Variants in SLC25A21 observed in about 807,000 individuals in gnomAD.
SLC25A21 encodes solute carrier family 25 member 21.
A neutral mutation model predicts 43.8 loss-of-function variants in SLC25A21; 47 were observed. That is an observed-to-expected ratio of 1.07 (90% CI 0.85 to 1.37). The LOEUF (loss-of-function observed/expected upper bound fraction) is 1.37, where lower values mean the gene tolerates loss of function less well. SLC25A21 is among the 40% of genes most tolerant of loss of function. SLC25A21 has a pLI of 0.00. For synonymous variants in SLC25A21, 131 were observed against 121.3 expected (o/e 1.08, Z -0.52); for missense variants, 352 against 350.2 (o/e 1.00, Z -0.04).
chr14:36,683,725 T>C, intron 9 of SLC25A21, 103 bp downstream of exon 9: 2 of 772,104 alleles, frequency 2.6e-6, no homozygotes, highest in Middle Eastern at 2.6e-4. Flanking sequence ...TTTCTGTCTT[T>C]TACAAAGTGG....
chr14:36,802,150 T>C (rs1443667531), intron 3 of SLC25A21, among the ~76,000 whole-genome samples: 3 of 152,334 alleles, frequency 2.0e-5, no homozygotes, highest in South Asian at 2.1e-4. Flanking sequence ...AATGATACCA[T>C]GGGTGTCGTA....
At chr14:37,016,362 G>A (rs967058240) in intron 1 of SLC25A21, among the ~76,000 whole-genome samples, 1 of 152,072 alleles carries the variant, frequency 6.6e-6, no homozygotes, top group Non-Finnish European at 1.5e-5. Flanking sequence ...TAGATATGCG[G>A]CGTTATTTCT....
At position 36,946,603 on chromosome 14, in the gene SLC25A21, T is replaced by A. The variant is rs148502799; in HGVS notation, c.71-71599A>T. Among the ~76,000 whole-genome samples the A allele has an allele frequency of 1.2e-3, 177 of 152,298 alleles. 1 individual carries two copies. Among genetic ancestry groups the A allele is most frequent in the African/African-American group, 4.1e-3 (172 of 41,558 alleles). On this transcript the variant is annotated intron_variant, in intron 1 of 9. Transcript: ENST00000331299. The stretch of plus-strand genomic sequence containing the variant: ...TAGAATTAAGAAAAATATCTTAATG[T>A]TAAATACCAGGTAGGTGAAACTTTT...
At chr14:37,044,825 T>C (rs2138789131) in intron 1 of SLC25A21, among the ~76,000 whole-genome samples, 1 of 152,340 alleles carries the variant, frequency 6.6e-6, no homozygotes, top group East Asian at 1.9e-4. Flanking sequence ...TTTCTAAATT[T>C]GTGGCAAAAT....
At chr14:36,681,969 T>C (rs934858823) in intron 9 of SLC25A21, among the ~76,000 whole-genome samples, 1 of 152,198 alleles carries the variant, frequency 6.6e-6, no homozygotes, top group Non-Finnish European at 1.5e-5. Context: ...GACAAGAATA[T>C]GCAGAGTTGG....
chr14:37,117,641 G>A (rs1239775274), intron 1 of SLC25A21, among the ~76,000 whole-genome samples: 1 of 152,114 alleles, frequency 6.6e-6, no homozygotes, highest in East Asian at 1.9e-4. Context: ...AGGGAGAGGG[G>A]GGAAGTGTAG....
chr14:37,144,329 T>C (rs576966374), intron 1 of SLC25A21, among the ~76,000 whole-genome samples: 3 of 152,360 alleles, frequency 2.0e-5, no homozygotes, highest in African/African-American at 7.2e-5. Flanking sequence ...AAAAATGTTA[T>C]GCAATTTAAC....
At chr14:37,015,547 G>C (rs1960834449) in intron 1 of SLC25A21, among the ~76,000 whole-genome samples, 1 of 151,790 alleles carries the variant, frequency 6.6e-6, no homozygotes, top group Non-Finnish European at 1.5e-5. Flanking sequence ...AGTCATTTGG[G>C]TATATACCCA....
intron 1 of SLC25A21, among the ~76,000 whole-genome samples, chr14:36,902,948 G>C (rs894399167): frequency 6.6e-6 from 1 of 152,128 alleles, no homozygotes; most frequent in African/African-American, 2.4e-5. Flanking sequence ...TTGCACCACT[G>C]TACTCCAGCT....
intron 1 of SLC25A21, among the ~76,000 whole-genome samples, chr14:36,939,126 AG>A (rs1318323913): frequency 2.0e-5 from 3 of 152,204 alleles, no homozygotes; most frequent in Admixed American, 6.5e-5. Flanking sequence ...TTTACTTAAA[AG>A]GCAGGTTTTG....
chr14:36,758,509 T>C (rs1886018497), intron 3 of SLC25A21, among the ~76,000 whole-genome samples: 1 of 149,666 alleles, frequency 6.7e-6, no homozygotes, highest in African/African-American at 2.5e-5. Context: ...TGTTTGGAGA[T>C]ACTGGAAAGG....
intron 1 of SLC25A21, among the ~76,000 whole-genome samples, chr14:37,090,541 G>A (rs961887117): frequency 2.6e-5 from 4 of 152,188 alleles, no homozygotes; most frequent in Non-Finnish European, 5.9e-5. Flanking sequence ...TGAGGCTAGT[G>A]CTACTTAGCT....
At chr14:37,003,003 A>G (rs1960521145) in intron 1 of SLC25A21, among the ~76,000 whole-genome samples, 1 of 152,234 alleles carries the variant, frequency 6.6e-6, no homozygotes, top group African/African-American at 2.4e-5. Context: ...GTTCACCAAA[A>G]GACATTTCTA....
chr14:37,100,943 T>G (rs1962805621), intron 1 of SLC25A21, among the ~76,000 whole-genome samples: 1 of 152,192 alleles, frequency 6.6e-6, no homozygotes, highest in African/African-American at 2.4e-5. Flanking sequence ...TATTAGCTAT[T>G]ATTATCATTC....
chr14:36,999,282 G>A (rs1960436545), intron 1 of SLC25A21, among the ~76,000 whole-genome samples: 1 of 152,076 alleles, frequency 6.6e-6, no homozygotes, highest in African/African-American at 2.4e-5. Flanking sequence ...AATCTGAAAA[G>A]GTTACATAAA....
intron 1 of SLC25A21, among the ~76,000 whole-genome samples, chr14:37,052,048 G>T (rs982169915): frequency 8.6e-5 from 13 of 151,796 alleles, no homozygotes; most frequent in Non-Finnish European, 1.5e-4. Context: ...GTGGCTTTAT[G>T]TTCCAATCTT....
At chr14:37,012,500 T>C (rs1332177016) in intron 1 of SLC25A21, among the ~76,000 whole-genome samples, 1 of 152,172 alleles carries the variant, frequency 6.6e-6, no homozygotes, top group African/African-American at 2.4e-5. Flanking sequence ...GTATAACCTG[T>C]AAATGCAGAA....
chr14:36,745,499 G>A (rs1885458410), intron 3 of SLC25A21, among the ~76,000 whole-genome samples: 1 of 152,114 alleles, frequency 6.6e-6, no homozygotes, highest in Admixed American at 6.5e-5. Context: ...ATCGTCTCCA[G>A]CCTCTGTTGT....
intron 3 of SLC25A21, among the ~76,000 whole-genome samples, chr14:36,791,723 A>C (rs1887490657): frequency 6.6e-6 from 1 of 152,172 alleles, no homozygotes; most frequent in Non-Finnish European, 1.5e-5. Flanking sequence ...CAATGCAAAG[A>C]AGCCAGTTAT....
Sources: gnomAD v4.1 joint callset for allele counts (sites outside exome capture counted in the v4.1 genomes callset) on GRCh38, gnomAD v4.1.1 for gene constraint, MANE v1.5 for transcripts, NCBI Gene and HGNC (gene_info 2026-07-23, HGNC 2026-07-21) for gene names.